The following ANO1 variants were observed in gnomAD, a reference collection of about 807,000 sequenced individuals.
The protein encoded by ANO1 is anoctamin 1.
A neutral mutation model predicts 124.0 loss-of-function variants in ANO1; 59 were observed. The observed-to-expected ratio is 0.48, with a 90% CI of 0.39 to 0.59. ANO1 has a LOEUF of 0.59. ANO1 is among the 20% of genes least tolerant of loss of function. ANO1 has a pLI of 0.00. For synonymous variants in ANO1, 529 were observed against 532.0 expected (o/e 0.99, Z 0.08); for missense variants, 1,059 against 1,328.0 (o/e 0.80, Z 3.15).
chr11:70,005,911 C>G (rs555583249), intron 1 of ANO1, among the ~76,000 whole-genome samples: 9 of 152,198 alleles, frequency 5.9e-5, no homozygotes, highest in Non-Finnish European at 1.2e-4. Context: ...AGCAATAGAA[C>G]AGTTGTGGAC....
At chr11:70,116,205 G>A (rs1424092328) in intron 7 of ANO1, among the ~76,000 whole-genome samples, 5 of 152,142 alleles carry the variant, frequency 3.3e-5, no homozygotes, top group Non-Finnish European at 5.9e-5. Flanking sequence ...CCTCTGTGTC[G>A]AGGGAAGAGG....
Position 70,037,154 on chromosome 11 carries a change from C to T in ANO1, c.59-41388C>T, listed in dbSNP as rs912478036. ...GGTACACCCAGGTGGAAGTGCCTCT[C>T]GGAACTCCACCCTGAGAAATCCAGC... On this transcript the variant is annotated intron_variant, in intron 1 of 27. Transcript: ENST00000531349. 3.9e-5 allele frequency among the ~76,000 whole-genome samples: 6 copies of T among 152,098 alleles called. No homozygotes were observed. In the East Asian group the frequency reaches 5.8e-4, roughly 15 times the overall value.
chr11:70,167,696 G>A (rs1411269717), intron 21 of ANO1, among the ~76,000 whole-genome samples: 2 of 151,792 alleles, frequency 1.3e-5, no homozygotes, highest in East Asian at 3.9e-4. Flanking sequence ...ATGGTCCCCA[G>A]CCACAGTCCC....
chr11:70,110,263 T>C (rs906085097), intron 6 of ANO1, among the ~76,000 whole-genome samples: 6 of 147,028 alleles, frequency 4.1e-5, no homozygotes, highest in Non-Finnish European at 7.5e-5. Flanking sequence ...CTCAACTCAC[T>C]GCAACCTCTG....
chr11:70,108,792 G>A (rs574394975), intron 6 of ANO1, among the ~76,000 whole-genome samples: 1 of 152,300 alleles, frequency 6.6e-6, no homozygotes, highest in African/African-American at 2.4e-5. Context: ...CCATGTGGCT[G>A]TTCCGGACCC....
chr11:70,066,740 A>G (rs1459171686), intron 1 of ANO1, among the ~76,000 whole-genome samples: 9 of 152,216 alleles, frequency 5.9e-5, no homozygotes, highest in African/African-American at 2.2e-4. Context: ...GGATGCTGCC[A>G]GCTCCATCAC....
At chr11:70,116,561 G>C in intron 8 of ANO1, 62 bp downstream of exon 8, 1 of 1,527,794 alleles carries the variant, frequency 6.5e-7, no homozygotes, top group East Asian at 2.4e-5. Flanking sequence ...TCTGGGGCGG[G>C]GTGGGCCTGC....
At chr11:70,069,260 A>T (rs1857808878) in intron 1 of ANO1, among the ~76,000 whole-genome samples, 1 of 152,228 alleles carries the variant, frequency 6.6e-6, no homozygotes, top group Non-Finnish European at 1.5e-5. Context: ...TGTTCTGCAG[A>T]GAGATCCAGA....
intron 1 of ANO1, among the ~76,000 whole-genome samples, chr11:70,062,771 C>G (rs1391488089): frequency 1.3e-5 from 2 of 152,222 alleles, no homozygotes; most frequent in African/African-American, 2.4e-5. Flanking sequence ...GCGGGAAGTA[C>G]TAGAATGTGG....
Position 70,125,516 on chromosome 11 carries a change from CA to C in ANO1, c.963-530del, listed in dbSNP as rs112512145. Among the ~76,000 whole-genome samples, 567 of 86,762 alleles carry C rather than the reference CA, an allele frequency of 6.5e-3. 1 individual carries two copies. Among genetic ancestry groups the C allele is most frequent in the South Asian group, 9.9e-3 (27 of 2,736 alleles). The allele number at this position is 86,762 out of a possible 152,430, so 56.9% of individuals were successfully genotyped here. A position where few individuals can be genotyped will look rare whatever the true frequency, so the allele number is the denominator to read the frequency against. On this transcript the variant is annotated intron_variant, in intron 9 of 25. Transcript: ENST00000355303. Reference sequence around the variant, plus strand: ...GGGCAACAGGAGCAAAACTCTATCTCAAAAAAAAAAAAAAAGAAAGAAAGGA... The same window carrying C: ...GGGCAACAGGAGCAAAACTCTATCTCAAAAAAAAAAAAAAGAAAGAAAGGA...
At chr11:70,165,386 A>G in intron 19 of ANO1, 84 bp from the exon 20 acceptor site, 2 of 1,161,598 alleles carry the variant, frequency 1.7e-6, no homozygotes, top group East Asian at 5.1e-5. Flanking sequence ...GTCAACCCAC[A>G]GCATGAGGGT....
intron 1 of ANO1, among the ~76,000 whole-genome samples, chr11:70,061,926 C>T (rs1395343256): frequency 6.6e-6 from 1 of 152,092 alleles, no homozygotes; most frequent in Non-Finnish European, 1.5e-5. Context: ...AGTGTCAGGG[C>T]CTCAGTTTCC....
intron 1 of ANO1, among the ~76,000 whole-genome samples, chr11:69,989,693 C>T (rs1554997240): frequency 6.6e-6 from 1 of 152,078 alleles, no homozygotes; most frequent in African/African-American, 2.4e-5. Flanking sequence ...GGCTGTCCTA[C>T]AGAGAAAAGG....
chr11:70,167,399 C>T lies in ANO1; in HGVS notation c.2197+12C>T, dbSNP rs371685886. ...GTACATGGAAATGAGTGAGTGATGG[C>T]CGGGGCAGGCAGGTGACATCAGGAT... is the stretch of plus-strand genomic sequence containing the variant. On this transcript the variant is annotated intron_variant, in intron 21 of 25. Coordinates refer to ENST00000355303, the MANE Select transcript of ANO1 (RefSeq NM_018043.7). 2.5e-6 allele frequency: 4 copies of T among 1,605,758 alleles called. No individual in the cohort carries two copies. The African/African-American group carries it at 4.0e-5, about 16-fold the overall frequency.
chr11:70,162,066 C>CGGGAGTGAGGGCCCCG (rs2048069513), intron 18 of ANO1, among the ~76,000 whole-genome samples: 1 of 144,966 alleles, frequency 6.9e-6, no homozygotes, highest in African/African-American at 2.7e-5. Context: ...AGTGAGGACC[C>CGGGAGTGAGGGCCCCG]GGCAGTGAGG....
intron 5 of ANO1, among the ~76,000 whole-genome samples, chr11:70,107,190 C>T (rs2045581398): frequency 6.6e-6 from 1 of 152,112 alleles, no homozygotes; most frequent in South Asian, 2.1e-4. Context: ...CGATTCCTTC[C>T]TTCATTCAGC....
intron 1 of ANO1, among the ~76,000 whole-genome samples, chr11:70,031,771 A>G (rs762387795): frequency 2.0e-4 from 31 of 152,138 alleles, no homozygotes; most frequent in Non-Finnish European, 3.7e-4. Context: ...ACACCTGAGC[A>G]CTGGCCAGGC....
At chr11:70,136,412 G>T (rs1477889913) in intron 11 of ANO1, among the ~76,000 whole-genome samples, 1 of 152,214 alleles carries the variant, frequency 6.6e-6, no homozygotes, top group African/African-American at 2.4e-5. Context: ...GACCCTGAGA[G>T]TGAGTGTCGT....
intron 1 of ANO1, among the ~76,000 whole-genome samples, chr11:70,006,545 T>C (rs12285611): frequency 0.49 from 73,032 of 150,444 alleles, 18,914 homozygotes; most frequent in East Asian, 0.88. Context: ...ACTCTTTCTT[T>C]CTTCCTTTCT....
Sources: gnomAD v4.1 joint callset for allele counts (sites outside exome capture counted in the v4.1 genomes callset) on GRCh38, gnomAD v4.1.1 for gene constraint, MANE v1.5 for transcripts, NCBI Gene and HGNC (gene_info 2026-07-23, HGNC 2026-07-21) for gene names.